Variants in ERC2 observed in about 807,000 individuals in gnomAD.
ERC2 encodes the protein ERC protein 2.
Under a neutral mutation model 114.8 loss-of-function variants are expected in ERC2, and 42 were observed. The ratio of observed to expected loss-of-function variants is 0.37; its 90% confidence interval spans 0.29 to 0.47. The LOEUF is 0.47. Ranked by LOEUF, ERC2 falls within the 20% of genes least tolerant of loss-of-function variation. The pLI is 0.99. For synonymous variants in ERC2, 454 were observed against 425.5 expected, an observed-to-expected ratio of 1.07 and a Z score of -0.82; for missense variants, 939 against 1,150.7, an observed-to-expected ratio of 0.82 and a Z score of 2.66.
chr3:56,366,051 C>T (rs2059138173), intron 2 of ERC2, among the ~76,000 whole-genome samples: 1 of 152,190 alleles, frequency 6.6e-6, no homozygotes, highest in Non-Finnish European at 1.5e-5. Context: ...GCAATCTGCC[C>T]AGAATGATCA....
intron 2 of ERC2, among the ~76,000 whole-genome samples, chr3:56,407,676 A>C (rs930806215): frequency 2.6e-5 from 4 of 152,110 alleles, no homozygotes; most frequent in Admixed American, 2.6e-4. Flanking sequence ...AAGAGCAGTA[A>C]TTTCCACCCT....
At chr3:56,113,790 A>G (rs1226301869) in intron 6 of ERC2, among the ~76,000 whole-genome samples, 1 of 152,102 alleles carries the variant, frequency 6.6e-6, no homozygotes. Context: ...GGTTACCTAC[A>G]CTTCCATCTG....
At position 55,644,855 on chromosome 3, in the gene ERC2, C is replaced by G. The variant is rs146969494; in HGVS notation, c.*39+38939G>C. ...CTCTGTTATCATCATGTTTTCCATC[C>G]AAGGAGCCCATGACCTTGAAAAAGA... On this transcript the variant is annotated intron_variant, in intron 17 of 17. Transcript: ENST00000288221. Among the ~76,000 whole-genome samples, 443 of 151,968 alleles carry G rather than the reference C, an allele frequency of 2.9e-3. 4 individuals are homozygous for G. Among genetic ancestry groups the G allele is most frequent in the African/African-American group, 0.01 (419 of 41,430 alleles).
At chr3:56,194,430 C>T (rs1354095436) in intron 3 of ERC2, among the ~76,000 whole-genome samples, 4 of 152,090 alleles carry the variant, frequency 2.6e-5, no homozygotes, top group Non-Finnish European at 4.4e-5. Flanking sequence ...TACTCTACAG[C>T]CTGGGAGACA....
At chr3:56,367,361 C>G (rs1028525233) in intron 2 of ERC2, among the ~76,000 whole-genome samples, 1 of 152,016 alleles carries the variant, frequency 6.6e-6, no homozygotes, top group South Asian at 2.1e-4. Flanking sequence ...ATAACACAAA[C>G]TAGATTCATT....
intron 3 of ERC2, among the ~76,000 whole-genome samples, chr3:56,212,171 G>C (rs2049106062): frequency 6.6e-6 from 1 of 152,010 alleles, no homozygotes; most frequent in Non-Finnish European, 1.5e-5. Context: ...ACAGAGAACT[G>C]ACAGAGTAGG....
At chr3:55,642,865 T>C (rs1464968377) in intron 17 of ERC2, among the ~76,000 whole-genome samples, 1 of 152,076 alleles carries the variant, frequency 6.6e-6, no homozygotes, top group Non-Finnish European at 1.5e-5. Context: ...TTTCCTTTAC[T>C]GGAAAAAAAA....
intron 2 of ERC2, among the ~76,000 whole-genome samples, chr3:56,426,537 G>A (rs985796381): frequency 3.3e-5 from 5 of 152,296 alleles, no homozygotes; most frequent in Non-Finnish European, 7.3e-5. Context: ...GACTGACTTT[G>A]GGCTTGGTTA....
intron 14 of ERC2, among the ~76,000 whole-genome samples, chr3:55,790,743 C>G (rs538414419): frequency 1.3e-5 from 2 of 152,322 alleles, no homozygotes; most frequent in South Asian, 4.1e-4. Flanking sequence ...AAGCTTGGGA[C>G]TAATGTCTTT....
intron 17 of ERC2, among the ~76,000 whole-genome samples, chr3:55,674,886 T>C (rs1046577439): frequency 6.6e-6 from 1 of 152,134 alleles, no homozygotes; most frequent in Non-Finnish European, 1.5e-5. Context: ...TTTATTAAGG[T>C]GCACAGCAGA....
In ERC2 at chr3:56,089,772, A is replaced by T. The variant is rs1418008852; in HGVS notation, c.1474-8788T>A. Reference sequence around the variant, plus strand: ...GAATTTCAATCTCCCTTGCATATTGATGATTCAGGGAGGATTCTGGCCCAA... The same window carrying T: ...GAATTTCAATCTCCCTTGCATATTGTTGATTCAGGGAGGATTCTGGCCCAA... On this transcript the variant is annotated intron_variant, in intron 6 of 17. Transcript: ENST00000288221. 7.2e-5 allele frequency among the ~76,000 whole-genome samples: 11 copies of T among 152,286 alleles called. No individual in the cohort carries two copies. The East Asian group carries it at 2.1e-3, about 29-fold the overall frequency.
intron 2 of ERC2, among the ~76,000 whole-genome samples, chr3:56,419,921 T>C (rs1287069747): frequency 2.0e-5 from 3 of 152,224 alleles, no homozygotes; most frequent in African/African-American, 7.2e-5. Context: ...GAAGGCAATT[T>C]TATTTATTAT....
At chr3:55,583,668 A>T (rs1388221477) in intron 17 of ERC2, among the ~76,000 whole-genome samples, 1 of 149,972 alleles carries the variant, frequency 6.7e-6, no homozygotes, top group African/African-American at 2.5e-5. Context: ...GCTAGCAACT[A>T]TGGTTAGTGC....
At chr3:56,436,553 C>T (rs1231692855) in intron 1 of ERC2, among the ~76,000 whole-genome samples, 1 of 152,182 alleles carries the variant, frequency 6.6e-6, no homozygotes, top group Admixed American at 6.5e-5. Flanking sequence ...CAACCCCCTA[C>T]TCACAGTTCA....
At chr3:56,010,316 T>C in intron 9 of ERC2, 133 bp downstream of exon 9, 1 of 1,129,292 alleles carries the variant, frequency 8.9e-7, no homozygotes, top group Middle Eastern at 3.1e-4. Flanking sequence ...CAGGCAGCTT[T>C]ACAAAAGAAA....
intron 2 of ERC2, among the ~76,000 whole-genome samples, chr3:56,320,688 G>C (rs926019838): frequency 6.6e-6 from 1 of 151,544 alleles, no homozygotes; most frequent in African/African-American, 2.4e-5. Flanking sequence ...CTAGAAGGAA[G>C]GATTGATATG....
chr3:55,550,170 C>A (rs1020360351), intron 17 of ERC2, among the ~76,000 whole-genome samples: 4 of 152,130 alleles, frequency 2.6e-5, no homozygotes, highest in Admixed American at 1.3e-4. Flanking sequence ...CATTCCCTCC[C>A]TCTTTAAGGC....
At chr3:55,982,795 G>A (rs2070265647) in intron 12 of ERC2, among the ~76,000 whole-genome samples, 1 of 152,174 alleles carries the variant, frequency 6.6e-6, no homozygotes. Flanking sequence ...CTCTGGCAAA[G>A]GTGTTTTTCA....
At chr3:56,036,726 C>T (rs186680454) in intron 7 of ERC2, among the ~76,000 whole-genome samples, 4 of 152,220 alleles carry the variant, frequency 2.6e-5, no homozygotes, top group African/African-American at 7.2e-5. Flanking sequence ...CTACCCTGCT[C>T]GGGAAACCAC....
Sources: gnomAD v4.1 joint callset for allele counts (sites outside exome capture counted in the v4.1 genomes callset) on GRCh38, gnomAD v4.1.1 for gene constraint, MANE v1.5 for transcripts, NCBI Gene and HGNC (gene_info 2026-07-23, HGNC 2026-07-21) for gene names.